Variants in AK4 observed in about 807,000 individuals in gnomAD.
AK4 encodes adenylate kinase 4, mitochondrial.
A neutral mutation model predicts 24.6 loss-of-function variants in AK4; 13 were observed. That is an observed-to-expected ratio of 0.53 (90% CI 0.34 to 0.84). The LOEUF (loss-of-function observed/expected upper bound fraction) is 0.84. Ranked by LOEUF, AK4 falls within the 40% of genes least tolerant of loss-of-function variation. The probability of loss-of-function intolerance (pLI) is 0.01; values close to 1 mark genes in which losing one functional copy is unlikely to be tolerated. For missense variants in AK4, 192 were observed against 288.2 expected (o/e 0.67, Z 2.42); for synonymous variants, 88 against 107.0 (o/e 0.82, Z 1.10).
chr1:65,174,525 A>C (rs1650646384), intron 1 of AK4, among the ~76,000 whole-genome samples: 1 of 152,116 alleles, frequency 6.6e-6, no homozygotes, highest in Admixed American at 6.6e-5. Context: ...CACTTAATTT[A>C]AAAAATACTG....
chr1:65,190,974 A>G (rs1240161779), intron 2 of AK4, 145 bp downstream of exon 2: 8 of 1,066,548 alleles, frequency 7.5e-6, no homozygotes, highest in Non-Finnish European at 1.0e-5. Flanking sequence ...GCAACATGAT[A>G]GGAACCCATT....
intron 1 of AK4, among the ~76,000 whole-genome samples, chr1:65,152,725 C>G (rs1472114859): frequency 2.6e-5 from 4 of 151,968 alleles, no homozygotes; most frequent in African/African-American, 7.3e-5. Context: ...AACTGCAGCT[C>G]TTGCTGGAGT....
intron 1 of AK4, among the ~76,000 whole-genome samples, chr1:65,187,234 C>G (rs1014156186): frequency 4.6e-5 from 7 of 151,646 alleles, no homozygotes; most frequent in Non-Finnish European, 7.4e-5. Context: ...GTAGTCCCAG[C>G]TACTCGGAGA....
chr1:65,180,566 A>G (rs886186802), intron 1 of AK4, among the ~76,000 whole-genome samples: 2 of 152,272 alleles, frequency 1.3e-5, no homozygotes, highest in African/African-American at 2.4e-5. Context: ...CTATTTTTTT[A>G]ACCAAGGTTT....
At chr1:65,215,424 G>A (rs575802535) in intron 2 of AK4, among the ~76,000 whole-genome samples, 17 of 152,042 alleles carry the variant, frequency 1.1e-4, no homozygotes, top group African/African-American at 3.9e-4. Flanking sequence ...CACCCGCCTC[G>A]GCCTCCCAAA....
intron 1 of AK4, among the ~76,000 whole-genome samples, chr1:65,160,466 A>G (rs1650122966): frequency 6.6e-6 from 1 of 152,238 alleles, no homozygotes; most frequent in South Asian, 2.1e-4. Context: ...CACTAGAGAC[A>G]GGGTCTCACT....
At chr1:65,157,478 A>G (rs762384436) in intron 1 of AK4, among the ~76,000 whole-genome samples, 1 of 152,086 alleles carries the variant, frequency 6.6e-6, no homozygotes, top group African/African-American at 2.4e-5. Context: ...CAGGCAAGCA[A>G]ACAAGAAGAA....
chr1:65,181,057 T>G (rs1313881538), intron 1 of AK4, among the ~76,000 whole-genome samples: 1 of 151,188 alleles, frequency 6.6e-6, no homozygotes, highest in East Asian at 1.9e-4. Context: ...CTTGGGAATT[T>G]GCTGTTTTGT....
intron 1 of AK4, among the ~76,000 whole-genome samples, chr1:65,181,413 T>C (rs899641270): frequency 1.3e-5 from 2 of 152,062 alleles, no homozygotes; most frequent in African/African-American, 4.8e-5. Context: ...TTTTTTTTTT[T>C]TGAGACAGAG....
chr1:65,175,968 C>T (rs973727908), intron 1 of AK4, among the ~76,000 whole-genome samples: 3 of 152,098 alleles, frequency 2.0e-5, no homozygotes, highest in Non-Finnish European at 4.4e-5. Flanking sequence ...GTTCCTATCC[C>T]GGGCCAAGAA....
At chr1:65,201,766 T>C (rs1021314775) in intron 2 of AK4, among the ~76,000 whole-genome samples, 2 of 152,068 alleles carry the variant, frequency 1.3e-5, no homozygotes, top group African/African-American at 2.4e-5. Flanking sequence ...GAAGGCTTCC[T>C]GGAGAAGCTG....
rs1652556985 is a variant in AK4 at position 65,229,100 on chromosome 1, C to A, written c.*2923C>A. The stretch of plus-strand genomic sequence containing the variant: ...AGGGATGTGAAGCATCTTGCCCAGG[C>A]TTCTGCTGCTGGTGACCAGTGTAGC... On this transcript the variant is annotated 3_prime_UTR_variant, in exon 5 of 5. Transcript: ENST00000327299. 6.6e-6 allele frequency: 1 copy of A among 152,180 alleles called. No individual in the cohort carries two copies. The highest frequency in any genetic ancestry group is 2.4e-5 in the African/African-American group (1 of 41,444). The allele number at this position is 152,180 out of a possible 1,614,324, so 9.4% of individuals were successfully genotyped here. A position where few individuals can be genotyped will look rare whatever the true frequency, so the allele number is the denominator to read the frequency against.
intron 1 of AK4, chr1:65,148,932 C>T (rs537319833): frequency 1.3e-5 from 2 of 157,162 alleles, no homozygotes; most frequent in East Asian, 3.7e-4. Flanking sequence ...CCCCCGAGTC[C>T]CTAGAGAGCC....
At chr1:65,192,803 C>T (rs530870285) in intron 2 of AK4, among the ~76,000 whole-genome samples, 55 of 152,260 alleles carry the variant, frequency 3.6e-4, no homozygotes, top group African/African-American at 1.3e-3. Context: ...CAGGTGGTCA[C>T]CGATAAGTCC....
intron 2 of AK4, among the ~76,000 whole-genome samples, chr1:65,203,906 C>T (rs1329121634): frequency 6.6e-6 from 1 of 152,080 alleles, no homozygotes; most frequent in East Asian, 1.9e-4. Context: ...TAAGAGAACC[C>T]AGATTTTGGA....
intron 1 of AK4, among the ~76,000 whole-genome samples, chr1:65,155,643 AC>A (rs1193607238): frequency 1.4e-5 from 2 of 142,944 alleles, no homozygotes; most frequent in Non-Finnish European, 3.0e-5. Flanking sequence ...CACTGCTAAT[AC>A]TTTTTTTTTT....
At chr1:65,162,934 A>G (rs917752127) in intron 1 of AK4, among the ~76,000 whole-genome samples, 3 of 152,102 alleles carry the variant, frequency 2.0e-5, no homozygotes, top group African/African-American at 4.8e-5. Flanking sequence ...CATGTTTTCA[A>G]GGTTTATCTA....
intron 3 of AK4, among the ~76,000 whole-genome samples, chr1:65,224,208 G>A (rs899122771): frequency 1.3e-5 from 2 of 151,996 alleles, no homozygotes; most frequent in Non-Finnish European, 2.9e-5. Context: ...TACAGTGTAT[G>A]TCATTATTTG....
At chr1:65,160,668 C>T (rs1375681405) in intron 1 of AK4, among the ~76,000 whole-genome samples, 6 of 152,126 alleles carry the variant, frequency 3.9e-5, no homozygotes, top group African/African-American at 1.4e-4. Flanking sequence ...AATATTGGCT[C>T]ACTGCAGCCT....
Sources: allele counts gnomAD v4.1 joint callset (sites outside exome capture counted in the v4.1 genomes callset), GRCh38; gene constraint gnomAD v4.1.1; transcripts MANE v1.5; gene names NCBI Gene and HGNC (gene_info 2026-07-23, HGNC 2026-07-21).